DCLK1: variants seen among roughly 807,000 people sequenced by gnomAD.
DCLK1 encodes the protein serine/threonine-protein kinase DCLK1.
A neutral mutation model predicts 86.2 loss-of-function variants in DCLK1; 16 were observed. The observed-to-expected ratio is 0.19, with a 90% CI of 0.13 to 0.28. The LOEUF (loss-of-function observed/expected upper bound fraction) is 0.28. Among genes scored for constraint, DCLK1 ranks in the 10% least tolerant of loss-of-function variants. The pLI is 1.00. For missense variants in DCLK1, 590 were observed against 940.2 expected (o/e 0.63, Z 4.87); for synonymous variants, 369 against 370.5 (o/e 1.00, Z 0.05).
intron 3 of DCLK1, among the ~76,000 whole-genome samples, chr13:36,019,137 GAATT>G (rs1881657968): frequency 6.6e-6 from 1 of 152,108 alleles, no homozygotes; most frequent in South Asian, 2.1e-4. Flanking sequence ...GGCACTCTCT[GAATT>G]AATTTATTTC....
intron 3 of DCLK1, among the ~76,000 whole-genome samples, chr13:35,968,980 C>A (rs115300876): frequency 6.6e-6 from 1 of 152,138 alleles, no homozygotes; most frequent in Non-Finnish European, 1.5e-5. Flanking sequence ...CAGTTCAAAA[C>A]GAAGCACAAC....
chr13:35,848,096 C>T, intron 6 of DCLK1: 1 of 985,314 alleles, frequency 1.0e-6, no homozygotes, highest in Non-Finnish European at 1.2e-6. Context: ...AAGTATCGAA[C>T]TTTGAACTAC....
At chr13:35,780,023 T>C (rs1453054833) in intron 16 of DCLK1, among the ~76,000 whole-genome samples, 2 of 152,086 alleles carry the variant, frequency 1.3e-5, no homozygotes, top group Admixed American at 6.5e-5. Context: ...TTTGTTCCTC[T>C]GAAATCCTGC....
rs186120329 is a variant in DCLK1 at position 35,769,485 on chromosome 13, G to C, written c.*5050C>G. On this transcript the variant is annotated 3_prime_UTR_variant, in exon 17 of 17. Coordinates refer to ENST00000360631, the MANE Select transcript of DCLK1 (RefSeq NM_001330071.2). ...AAATTTTTTTTCAAAAGTTATCGAG[G>C]ATATGACTATAACCTTGGACCAGTT... 6.6e-6 allele frequency: 1 copy of C among 152,024 alleles called. No individual in the cohort carries two copies. The highest frequency in any genetic ancestry group is 1.9e-4 in the East Asian group (1 of 5,192). 9.4% of individuals were successfully genotyped at this position (152,024 alleles called of 1,614,324 possible).
chr13:35,869,831 T>G (rs1306090830), intron 5 of DCLK1, among the ~76,000 whole-genome samples: 1 of 152,098 alleles, frequency 6.6e-6, no homozygotes, highest in African/African-American at 2.4e-5. Context: ...CACCTACTGT[T>G]TCTCAAAATG....
chr13:35,800,915 G>A (rs1481334852), intron 15 of DCLK1, among the ~76,000 whole-genome samples: 13 of 149,454 alleles, frequency 8.7e-5, no homozygotes, highest in Non-Finnish European at 1.5e-5. Flanking sequence ...GTAGAGGTGT[G>A]GCTTCACTAC....
chr13:35,933,454 G>GC (rs1302064628), intron 4 of DCLK1, among the ~76,000 whole-genome samples: 3 of 152,332 alleles, frequency 2.0e-5, no homozygotes, highest in Admixed American at 1.3e-4. Flanking sequence ...CTCCATGAGA[G>GC]CCCTGCTCCT....
At chr13:35,852,120 A>T (rs1361833381) in intron 6 of DCLK1, among the ~76,000 whole-genome samples, 2 of 152,208 alleles carry the variant, frequency 1.3e-5, no homozygotes, top group Non-Finnish European at 2.9e-5. Context: ...AATCTGCAGT[A>T]AAAAGAGTTA....
chr13:36,107,412 C>T (rs896217740), intron 3 of DCLK1, among the ~76,000 whole-genome samples: 3 of 144,306 alleles, frequency 2.1e-5, no homozygotes, highest in Admixed American at 7.1e-5. Context: ...GGCGCGATCT[C>T]GACTCACTAG....
At chr13:35,865,974 G>C (rs1566575803) in intron 5 of DCLK1, among the ~76,000 whole-genome samples, 1 of 152,164 alleles carries the variant, frequency 6.6e-6, no homozygotes, top group East Asian at 1.9e-4. Context: ...TTAGGCACTA[G>C]ATTAATTGTT....
At chr13:36,060,778 C>G (rs970125845) in intron 3 of DCLK1, among the ~76,000 whole-genome samples, 1 of 151,976 alleles carries the variant, frequency 6.6e-6, no homozygotes, top group Non-Finnish European at 1.5e-5. Context: ...GATAAGATAC[C>G]AATCAAAGAA....
chr13:35,955,380 C>T (rs1029496716), intron 3 of DCLK1, among the ~76,000 whole-genome samples: 15 of 152,006 alleles, frequency 9.9e-5, no homozygotes, highest in Admixed American at 7.2e-4. Context: ...CTGGTGAGGG[C>T]CTGCTTTCTC....
chr13:35,899,362 TGTGTGTGA>T (rs1192728225), intron 4 of DCLK1, among the ~76,000 whole-genome samples: 22 of 92,660 alleles, frequency 2.4e-4, no homozygotes, highest in African/African-American at 8.0e-4. Context: ...TGTGTGTGTG[TGTGTGTGA>T]GAGAGAGAGA....
intron 2 of DCLK1, among the ~76,000 whole-genome samples, chr13:36,113,573 G>A (rs1197067007): frequency 6.6e-6 from 1 of 152,136 alleles, no homozygotes; most frequent in Non-Finnish European, 1.5e-5. Flanking sequence ...TGTTTTGGGA[G>A]TTTTCATGGA....
At chr13:36,091,808 C>T (rs971074003) in intron 3 of DCLK1, among the ~76,000 whole-genome samples, 2 of 152,182 alleles carry the variant, frequency 1.3e-5, no homozygotes, top group African/African-American at 4.8e-5. Flanking sequence ...CGATAGCTAT[C>T]CATTTCCCCC....
intron 3 of DCLK1, among the ~76,000 whole-genome samples, chr13:36,056,926 T>C (rs557624415): frequency 7.8e-4 from 114 of 145,484 alleles, no homozygotes; most frequent in African/African-American, 1.4e-3. Flanking sequence ...TATATATATA[T>C]ACACACACAC....
At position 36,111,925 on chromosome 13, in the gene DCLK1, C is replaced by T; in HGVS notation, c.667G>A (p.Ala223Thr). The T allele has an allele frequency of 6.2e-7, 1 of 1,614,232 alleles. No homozygotes were observed. The highest frequency in any genetic ancestry group is 8.5e-7 in the Non-Finnish European group (1 of 1,180,054). Residue 223 changes from alanine to threonine, a missense_variant, in exon 3 of 17, where the codon GCC (alanine) becomes ACC (threonine). By Grantham distance (58) the Ala-to-Thr change is moderately conservative. This residue lies in a region of DCLK1 where 195 missense variants were observed against 365.1 expected (regional missense o/e 0.53). Coordinates refer to ENST00000360631, the MANE Select transcript of DCLK1 (RefSeq NM_001330071.2). Reference sequence around the variant, plus strand: ...ACCACTCCCGAGTCCAGCTTGATGGCATCGGTGATATCGGTGAGGACCTGC... The same window carrying T: ...ACCACTCCCGAGTCCAGCTTGATGGTATCGGTGATATCGGTGAGGACCTGC... ...FEQVLTDITD[A>T]IKLDSGVVKR... is the part of the protein sequence containing the mutation.
At chr13:36,096,280 G>C (rs544832501) in intron 3 of DCLK1, among the ~76,000 whole-genome samples, 49 of 152,128 alleles carry the variant, frequency 3.2e-4, no homozygotes, top group African/African-American at 1.1e-3. Context: ...TCTTGTAAGA[G>C]GCTTCACAGG....
rs543653959 is a variant in DCLK1 at position 36,079,626 on chromosome 13, C to G, written c.723+32243G>C. The stretch of plus-strand genomic sequence containing the variant: ...CAGCCTGGGGGACAAAAGCGAGACT[C>G]CATCTTAAAAAGAAAAAGATAACCT... On this transcript the variant is annotated intron_variant, in intron 3 of 16. Coordinates refer to ENST00000360631, the MANE Select transcript of DCLK1 (RefSeq NM_001330071.2). Among the ~76,000 whole-genome samples, 6 of 152,100 alleles carry G rather than the reference C, an allele frequency of 3.9e-5. No individual in the cohort carries two copies. The South Asian group carries it at 1.2e-3, about 32-fold the overall frequency.
Sources: allele counts gnomAD v4.1 joint callset (sites outside exome capture counted in the v4.1 genomes callset), GRCh38; gene constraint gnomAD v4.1.1; regional missense constraint gnomAD v4.1.1; transcripts MANE v1.5; gene names NCBI Gene and HGNC (gene_info 2026-07-23, HGNC 2026-07-21).